PCDH9: variants seen among roughly 807,000 people sequenced by gnomAD.
PCDH9 encodes protocadherin 9, also known as protocadherin-9.
Under a neutral mutation model 70.6 loss-of-function variants are expected in PCDH9, and 24 were observed. That is an observed-to-expected ratio of 0.34 (90% confidence interval 0.25 to 0.48). The LOEUF is 0.48. PCDH9 is among the 20% of genes least tolerant of loss of function. The pLI is 0.99. For synonymous variants in PCDH9, 562 were observed against 558.5 expected (o/e 1.01, Z -0.09); for missense variants, 1,281 against 1,503.6 (o/e 0.85, Z 2.45).
At chr13:66,667,882 G>A (rs951326167) in intron 3 of PCDH9, among the ~76,000 whole-genome samples, 3 of 151,894 alleles carry the variant, frequency 2.0e-5, no homozygotes, top group African/African-American at 7.3e-5. Context: ...TAAGTAGTGG[G>A]GAAAAAACCT....
intron 2 of PCDH9, among the ~76,000 whole-genome samples, chr13:66,937,239 C>T (rs1046996360): frequency 6.6e-6 from 1 of 152,126 alleles, no homozygotes; most frequent in African/African-American, 2.4e-5. Flanking sequence ...TTTTATTAAC[C>T]TATGATTTAG....
chr13:66,462,374 G>A (rs1007704768), intron 4 of PCDH9, among the ~76,000 whole-genome samples: 1 of 151,852 alleles, frequency 6.6e-6, no homozygotes, highest in African/African-American at 2.4e-5. Context: ...CAGAAATAAG[G>A]AAGTCAGGAA....
At chr13:66,953,375 A>C (rs1281920508) in intron 2 of PCDH9, among the ~76,000 whole-genome samples, 1 of 152,232 alleles carries the variant, frequency 6.6e-6, no homozygotes, top group Non-Finnish European at 1.5e-5. Flanking sequence ...GTAGCACCTG[A>C]AACACAGTAC....
At chr13:66,353,873 C>T (rs565384306) in intron 4 of PCDH9, among the ~76,000 whole-genome samples, 2 of 152,182 alleles carry the variant, frequency 1.3e-5, no homozygotes, top group East Asian at 1.9e-4. Flanking sequence ...TTGTAAATAT[C>T]GCATGCTTGG....
chr13:66,611,487 A>G (rs532968760), intron 4 of PCDH9, among the ~76,000 whole-genome samples: 1 of 152,304 alleles, frequency 6.6e-6, no homozygotes, highest in African/African-American at 2.4e-5. Flanking sequence ...TCCTACAGAA[A>G]TACCAAAATC....
rs114147932 is a variant in PCDH9 at position 66,388,151 on chromosome 13, G to T, written c.3341-83123C>A. On this transcript the variant is annotated intron_variant, in intron 4 of 4. Coordinates refer to ENST00000377865, the MANE Select transcript of PCDH9 (RefSeq NM_203487.3). ...TTTATCCATGACCACTCAAAGTAAAGATATATTTCCCTTAATAATTGTGTT... is the reference window on the plus strand; with the variant it reads ...TTTATCCATGACCACTCAAAGTAAATATATATTTCCCTTAATAATTGTGTT... 5.8e-3 allele frequency among the ~76,000 whole-genome samples: 885 copies of T among 152,168 alleles called. 9 individuals are homozygous for T. The highest frequency in any genetic ancestry group is 0.02 in the African/African-American group (833 of 41,526).
intron 2 of PCDH9, among the ~76,000 whole-genome samples, chr13:66,988,080 T>C (rs1190857550): frequency 3.3e-5 from 5 of 151,930 alleles, no homozygotes; most frequent in African/African-American, 1.2e-4. Flanking sequence ...TATTTACTTA[T>C]TGTAGAGACA....
intron 2 of PCDH9, among the ~76,000 whole-genome samples, chr13:66,997,723 C>G (rs767396765): frequency 2.0e-5 from 3 of 151,942 alleles, no homozygotes; most frequent in Non-Finnish European, 4.4e-5. Flanking sequence ...TTAGTAGAGA[C>G]GGGGTTTCAC....
chr13:66,864,318 C>A (rs945298380), intron 3 of PCDH9, among the ~76,000 whole-genome samples: 1 of 152,042 alleles, frequency 6.6e-6, no homozygotes, highest in Non-Finnish European at 1.5e-5. Context: ...TCATTCAGAA[C>A]CATTCAGTTC....
intron 3 of PCDH9, among the ~76,000 whole-genome samples, chr13:66,637,768 G>T (rs1391193396): frequency 1.3e-5 from 2 of 151,562 alleles, no homozygotes; most frequent in African/African-American, 4.9e-5. Context: ...AAAAAAATTA[G>T]CCAGGTGTGG....
At chr13:67,211,713 T>A (rs2089471897) in intron 2 of PCDH9, 1 of 152,086 alleles carries the variant, frequency 6.6e-6, no homozygotes, top group Admixed American at 6.6e-5. Context: ...TTTTCAACGT[T>A]TATATCATTG....
At chr13:66,356,173 T>C (rs1956378424) in intron 4 of PCDH9, among the ~76,000 whole-genome samples, 1 of 152,258 alleles carries the variant, frequency 6.6e-6, no homozygotes, top group African/African-American at 2.4e-5. Context: ...AGGGCTCCAA[T>C]GAATTAATGA....
At chr13:66,751,191 C>A (rs2079452401) in intron 3 of PCDH9, among the ~76,000 whole-genome samples, 2 of 151,998 alleles carry the variant, frequency 1.3e-5, no homozygotes, top group Admixed American at 1.3e-4. Flanking sequence ...TGAAGCAGAG[C>A]AAATAGACTG....
intron 3 of PCDH9, among the ~76,000 whole-genome samples, chr13:66,805,143 A>G (rs145106895): frequency 0.01 from 1,540 of 152,282 alleles, 25 homozygotes; most frequent in African/African-American, 0.035. Context: ...TCATTCCATG[A>G]TACTGTACAG....
At chr13:66,357,147 G>C (rs1399615214) in intron 4 of PCDH9, among the ~76,000 whole-genome samples, 1 of 152,008 alleles carries the variant, frequency 6.6e-6, no homozygotes, top group African/African-American at 2.4e-5. Flanking sequence ...AAGGAATTAA[G>C]AGAGAGAAAT....
intron 3 of PCDH9, among the ~76,000 whole-genome samples, chr13:66,838,952 A>G (rs1771479159): frequency 6.6e-6 from 1 of 152,114 alleles, no homozygotes; most frequent in Admixed American, 6.5e-5. Flanking sequence ...AACTAGTGCA[A>G]AGAAACTAAC....
In PCDH9 at chr13:67,078,935, A is replaced by T. The variant is rs921279101; in HGVS notation, c.3036+146470T>A. ...TACAGTCCTGCAGTGGCCAGTCTGG[A>T]CCTAGTCTACAAATCAGAAACTAAG... On this transcript the variant is annotated intron_variant, in intron 2 of 4. Coordinates refer to ENST00000377865, the MANE Select transcript of PCDH9 (RefSeq NM_203487.3). Among the ~76,000 whole-genome samples, 5 of 152,154 alleles carry T rather than the reference A, an allele frequency of 3.3e-5. No homozygotes were observed. In the South Asian group the frequency reaches 1.0e-3, roughly 32 times the overall value.
At chr13:66,461,097 A>C (rs996169240) in intron 4 of PCDH9, among the ~76,000 whole-genome samples, 1 of 151,810 alleles carries the variant, frequency 6.6e-6, no homozygotes, top group African/African-American at 2.4e-5. Flanking sequence ...TAGCCTCAAG[A>C]GACTGCCTTC....
In PCDH9 at chr13:66,864,576, G is replaced by A. The variant is rs148565043; in HGVS notation, c.3138+38928C>T. Among the ~76,000 whole-genome samples, 1,246 of 152,284 alleles carry A rather than the reference G, an allele frequency of 8.2e-3. 13 individuals are homozygous for A. Among genetic ancestry groups the A allele is most frequent in the African/African-American group, 0.029 (1,189 of 41,564 alleles). On this transcript the variant is annotated intron_variant, in intron 3 of 4. Transcript: ENST00000377865. Reference sequence around the variant, plus strand: ...CAAAATGTATTTGGACATTTAGAATGTTTGCTATATTTCACTTTATCCAAA... The same window carrying A: ...CAAAATGTATTTGGACATTTAGAATATTTGCTATATTTCACTTTATCCAAA...
Sources: allele counts gnomAD v4.1 joint callset (sites outside exome capture counted in the v4.1 genomes callset), GRCh38; gene constraint gnomAD v4.1.1; transcripts MANE v1.5; gene names NCBI Gene and HGNC (gene_info 2026-07-23, HGNC 2026-07-21).